The following ARK2C variants were observed in gnomAD, a reference collection of about 807,000 sequenced individuals.
ARK2C encodes the protein E3 ubiquitin-protein ligase ARK2C.
chr18:46,343,479 C>T, the ARK2C span, among the ~76,000 whole-genome samples: 1 of 152,148 alleles, frequency 6.6e-6, no homozygotes, highest in African/African-American at 2.4e-5. Context: ...CAGCCAAAGG[C>T]GACAGTGAAG....
the ARK2C span, among the ~76,000 whole-genome samples, chr18:46,368,292 T>C: frequency 1.3e-5 from 2 of 152,290 alleles, no homozygotes; most frequent in South Asian, 4.1e-4. Context: ...GAGGCCTAAA[T>C]AAAGAATAAA....
chr18:46,337,192 T>G, the ARK2C span: 1 of 985,122 alleles, frequency 1.0e-6, no homozygotes, highest in African/African-American at 1.7e-5. Context: ...CTCCCCAGAC[T>G]GCCATTTGGC....
At chr18:46,426,195 G>A in the ARK2C span, among the ~76,000 whole-genome samples, 1 of 152,198 alleles carries the variant, frequency 6.6e-6, no homozygotes, top group Non-Finnish European at 1.5e-5. Context: ...TGACTCCCTG[G>A]GCTCTGTTCC....
the ARK2C span, among the ~76,000 whole-genome samples, chr18:46,382,277 A>G: frequency 6.6e-6 from 1 of 152,064 alleles, no homozygotes; most frequent in East Asian, 1.9e-4. Context: ...TGGGGAGGAA[A>G]TCAGGCAGTG....
At chr18:46,358,289 C>A in the ARK2C span, among the ~76,000 whole-genome samples, 18 of 152,098 alleles carry the variant, frequency 1.2e-4, no homozygotes, top group Non-Finnish European at 2.2e-4. Context: ...GAAGGGGAGG[C>A]CTCCCTGTCT....
At chr18:46,393,423 C>T in the ARK2C span, among the ~76,000 whole-genome samples, 63 of 152,250 alleles carry the variant, frequency 4.1e-4, no homozygotes, top group Non-Finnish European at 7.8e-4. Context: ...TGAGGGCAGA[C>T]GCCAGAAGGG....
the ARK2C span, among the ~76,000 whole-genome samples, chr18:46,419,730 C>T: frequency 6.6e-6 from 1 of 152,260 alleles, no homozygotes; most frequent in East Asian, 1.9e-4. Context: ...CTGATGGAGC[C>T]CCTCGAGGTA....
the ARK2C span, among the ~76,000 whole-genome samples, chr18:46,395,635 C>A: frequency 3.9e-5 from 6 of 152,114 alleles, no homozygotes; most frequent in South Asian, 2.1e-4. Flanking sequence ...GGGATTTTAC[C>A]ATAATTCCTG....
chr18:46,458,460 C>G, the ARK2C span: 1 of 152,472 alleles, frequency 6.6e-6, no homozygotes. Flanking sequence ...TCAATGCCCT[C>G]GTATCAATAA....
chr18:46,426,364 T>C, the ARK2C span, among the ~76,000 whole-genome samples: 7 of 152,230 alleles, frequency 4.6e-5, no homozygotes, highest in South Asian at 8.3e-4. Flanking sequence ...GATCTCTGCT[T>C]CTCCCTTTCC....
chr18:46,344,108 CT>C, the ARK2C span, among the ~76,000 whole-genome samples: 1 of 152,232 alleles, frequency 6.6e-6, no homozygotes, highest in Non-Finnish European at 1.5e-5. Context: ...TTGGCCTCCC[CT>C]GACGACACTG....
chr18:46,453,918 G>A, the ARK2C span, among the ~76,000 whole-genome samples: 5 of 151,646 alleles, frequency 3.3e-5, no homozygotes, highest in Admixed American at 2.6e-4. Flanking sequence ...TTTGAGACCA[G>A]CCTGGCCATC....
chr18:46,354,153 A>C, the ARK2C span, among the ~76,000 whole-genome samples: 1 of 152,316 alleles, frequency 6.6e-6, no homozygotes. Context: ...CCCACACTGC[A>C]GTCCCTATGT....
At chr18:46,431,114 A>T in the ARK2C span, among the ~76,000 whole-genome samples, 5 of 151,098 alleles carry the variant, frequency 3.3e-5, no homozygotes, top group Non-Finnish European at 7.4e-5. Flanking sequence ...TCATTGTTCA[A>T]CTCCCACTTA....
At chr18:46,372,915 T>C in the ARK2C span, among the ~76,000 whole-genome samples, 2 of 152,180 alleles carry the variant, frequency 1.3e-5, no homozygotes, top group African/African-American at 4.8e-5. Context: ...GGCCTCCACT[T>C]CTCCCTTCTT....
chr18:46,436,385 G>A, the ARK2C span, among the ~76,000 whole-genome samples: 1 of 152,158 alleles, frequency 6.6e-6, no homozygotes, highest in Non-Finnish European at 1.5e-5. Context: ...GGGAATCTGG[G>A]TGAAGGGTAT....
At chr18:46,390,197 G>A in the ARK2C span, among the ~76,000 whole-genome samples, 2 of 152,196 alleles carry the variant, frequency 1.3e-5, no homozygotes, top group African/African-American at 4.8e-5. Context: ...GAACTGGGCC[G>A]ATTCCTGCTG....
chr18:46,365,684 T>C, the ARK2C span, among the ~76,000 whole-genome samples: 9 of 152,150 alleles, frequency 5.9e-5, no homozygotes, highest in Non-Finnish European at 1.3e-4. Context: ...TTATATTTTT[T>C]AGTAGAGATG....
chr18:46,343,925 G>A, the ARK2C span, among the ~76,000 whole-genome samples: 1 of 152,240 alleles, frequency 6.6e-6, no homozygotes, highest in Admixed American at 6.5e-5. Context: ...CTCAAGGCTG[G>A]CATAAGTCTG....
Sources: gnomAD v4.1 joint callset for allele counts (sites outside exome capture counted in the v4.1 genomes callset) on GRCh38, gnomAD v4.1.1 for gene constraint, MANE v1.5 for transcripts, NCBI Gene and HGNC (gene_info 2026-07-23, HGNC 2026-07-21) for gene names.